Variants in CRYBG1 observed in about 807,000 individuals in gnomAD.
CRYBG1 encodes the protein crystallin beta-gamma domain containing 1.
CRYBG1 carries 139 observed loss-of-function variants against 189.2 expected under a neutral mutation model. The ratio of observed to expected loss-of-function variants is 0.73; its 90% CI spans 0.64 to 0.85. The LOEUF is 0.85. CRYBG1 is among the 40% of genes least tolerant of loss of function. The pLI is 0.00. For synonymous variants in CRYBG1, 1,023 were observed against 1,017.1 expected (o/e 1.01, Z -0.11); for missense variants, 2,611 against 2,675.8 (o/e 0.98, Z 0.53).
chr6:106,492,466 A>G (rs1163637591), intron 2 of CRYBG1, among the ~76,000 whole-genome samples: 1 of 152,090 alleles, frequency 6.6e-6, no homozygotes, highest in Non-Finnish European at 1.5e-5. Flanking sequence ...GCTATTAGCC[A>G]TAATACTTCT....
rs763052861 is a variant in CRYBG1, at chr6:106,519,792, T to G, written c.2584T>G (p.Ser862Ala). 4.7e-5 allele frequency: 76 copies of G among 1,614,066 alleles called. No homozygotes were observed. The highest frequency in any genetic ancestry group is 5.7e-5 in the Non-Finnish European group (67 of 1,180,038). ...AAAGCCACAGCATACATTTTCTGAC[T>G]CACAGTCCCCTGCTGAGTCATCTCC... The part of the protein sequence containing the change: ...MPKPQHTFSD[S>A]QSPAESSPGP... The change falls in exon 4 of 22, where the codon TCA becomes GCA. Residue 862 changes from serine (S) to alanine (A), a missense_variant. Transcript: ENST00000633556.
intron 1 of CRYBG1, among the ~76,000 whole-genome samples, chr6:106,370,055 A>G (rs1769986594): frequency 6.6e-6 from 1 of 152,248 alleles, no homozygotes. Context: ...TCTCACAAGT[A>G]GAAATTAAAA....
At chr6:106,388,729 G>C (rs1770438125) in intron 1 of CRYBG1, among the ~76,000 whole-genome samples, 1 of 152,132 alleles carries the variant, frequency 6.6e-6, no homozygotes, top group Non-Finnish European at 1.5e-5. Context: ...TATTTCTCAA[G>C]TTGTTTCTTT....
chr6:106,507,833 G>A (rs947049291), intron 2 of CRYBG1, among the ~76,000 whole-genome samples: 1 of 152,232 alleles, frequency 6.6e-6, no homozygotes, highest in African/African-American at 2.4e-5. Flanking sequence ...GCCCTGCTCA[G>A]ATGATCCTGT....
chr6:106,463,213 C>T (rs1042165258), intron 2 of CRYBG1, among the ~76,000 whole-genome samples: 12 of 148,110 alleles, frequency 8.1e-5, no homozygotes, highest in Non-Finnish European at 1.7e-4. Flanking sequence ...CTGTGCTATT[C>T]GTACAAATAA....
At chr6:106,383,586 G>A (rs186062223) in intron 1 of CRYBG1, among the ~76,000 whole-genome samples, 4 of 152,324 alleles carry the variant, frequency 2.6e-5, no homozygotes, top group African/African-American at 7.2e-5. Flanking sequence ...ATAGTTTATA[G>A]TTTTGAAAGG....
Position 106,570,279 on chromosome 6 carries a change from A to C in CRYBG1, c.*1713A>C, listed in dbSNP as rs8013. Reference sequence around the variant, plus strand: ...TCACTGGAATAGTTTGTCTTGTTTTAAAATATTATTGGTGCATGTACAACA... The same window carrying C: ...TCACTGGAATAGTTTGTCTTGTTTTCAAATATTATTGGTGCATGTACAACA... On this transcript the variant is annotated 3_prime_UTR_variant, in exon 22 of 22. Transcript: ENST00000633556. 24,730 of 152,164 alleles carry C rather than the reference A, an allele frequency of 0.16. 2,461 individuals are homozygous for C. Among genetic ancestry groups the C allele is most frequent in the African/African-American group, 0.28 (11,659 of 41,480 alleles). The allele number at this position is 152,164 out of a possible 1,614,324, so 9.4% of individuals were successfully genotyped here.
intron 2 of CRYBG1, among the ~76,000 whole-genome samples, chr6:106,465,273 G>A (rs1245008214): frequency 6.6e-6 from 1 of 152,158 alleles, no homozygotes; most frequent in African/African-American, 2.4e-5. Context: ...TAAAACTGAA[G>A]TATAAAGCAC....
At chr6:106,533,066 T>C (rs1773912050) in intron 8 of CRYBG1, among the ~76,000 whole-genome samples, 1 of 152,178 alleles carries the variant, frequency 6.6e-6, no homozygotes, top group South Asian at 2.1e-4. Flanking sequence ...CAAATACATA[T>C]ATAATGTGTC....
chr6:106,396,343 C>A (rs554829371), intron 1 of CRYBG1, among the ~76,000 whole-genome samples: 15 of 152,242 alleles, frequency 9.9e-5, no homozygotes, highest in African/African-American at 3.6e-4. Context: ...ACTGAATGAA[C>A]TTATAAATTC....
chr6:106,434,781 G>T (rs1266955607), intron 1 of CRYBG1, among the ~76,000 whole-genome samples: 1 of 152,244 alleles, frequency 6.6e-6, no homozygotes, highest in Admixed American at 6.5e-5. Context: ...GAGTTGGCCT[G>T]CAGGCCTTAG....
At chr6:106,374,987 T>G (rs1770123537) in intron 1 of CRYBG1, among the ~76,000 whole-genome samples, 1 of 152,188 alleles carries the variant, frequency 6.6e-6, no homozygotes, top group African/African-American at 2.4e-5. Flanking sequence ...GGTTTAGAAT[T>G]GTTTTTATTT....
intron 1 of CRYBG1, among the ~76,000 whole-genome samples, chr6:106,386,702 C>T (rs1308879780): frequency 3.9e-5 from 6 of 152,110 alleles, no homozygotes; most frequent in African/African-American, 1.2e-4. Flanking sequence ...CTATGAGAAT[C>T]GAATGCCACC....
intron 1 of CRYBG1, among the ~76,000 whole-genome samples, chr6:106,391,136 C>T (rs373427140): frequency 4.6e-5 from 7 of 152,122 alleles, no homozygotes; most frequent in African/African-American, 9.7e-5. Flanking sequence ...GGCGTGATCT[C>T]GGCTCACTGG....
At chr6:106,386,141 C>G (rs976159652) in intron 1 of CRYBG1, among the ~76,000 whole-genome samples, 1 of 152,186 alleles carries the variant, frequency 6.6e-6, no homozygotes, top group African/African-American at 2.4e-5. Context: ...ATGTGAATAA[C>G]CTGTTGCAAT....
chr6:106,489,787 CA>C (rs10593320), intron 2 of CRYBG1, among the ~76,000 whole-genome samples: 1,391 of 81,652 alleles, frequency 0.017, 18 homozygotes, highest in East Asian at 0.12. Flanking sequence ...ACTCTGTGTC[CA>C]AAAAAAAAAA....
intron 8 of CRYBG1, among the ~76,000 whole-genome samples, chr6:106,530,844 C>T (rs1048264896): frequency 2.0e-5 from 3 of 152,212 alleles, no homozygotes; most frequent in Non-Finnish European, 4.4e-5. Context: ...GACTGCAATA[C>T]TGAAGAATGT....
intron 2 of CRYBG1, among the ~76,000 whole-genome samples, chr6:106,460,779 T>TTGTTG (rs1258502915): frequency 6.6e-6 from 1 of 152,062 alleles, no homozygotes; most frequent in East Asian, 1.9e-4. Flanking sequence ...TCCCTTTGTT[T>TTGTTG]TGTTGTTTTG....
At chr6:106,482,550 T>C (rs1007769030) in intron 2 of CRYBG1, among the ~76,000 whole-genome samples, 16 of 151,398 alleles carry the variant, frequency 1.1e-4, no homozygotes, top group South Asian at 2.1e-4. Flanking sequence ...CCGAGGGGGG[T>C]GAATCACAAG....
Sources: gnomAD v4.1 joint callset for allele counts (sites outside exome capture counted in the v4.1 genomes callset) on GRCh38, gnomAD v4.1.1 for gene constraint, MANE v1.5 for transcripts, NCBI Gene and HGNC (gene_info 2026-07-23, HGNC 2026-07-21) for gene names.